Variants in RGS7BP observed in about 807,000 individuals in gnomAD.
RGS7BP encodes the protein regulator of G protein signaling 7-binding protein.
RGS7BP carries 9 observed loss-of-function variants against 31.3 expected under a neutral mutation model. The ratio of observed to expected loss-of-function variants is 0.29; its 90% CI spans 0.17 to 0.50. The LOEUF (loss-of-function observed/expected upper bound fraction) is 0.50, where lower values mean the gene tolerates loss of function less well. Ranked by LOEUF, RGS7BP falls within the 20% of genes least tolerant of loss-of-function variation. The probability of loss-of-function intolerance (pLI) is 0.98; values close to 1 mark genes in which losing one functional copy is unlikely to be tolerated. For synonymous variants in RGS7BP, 115 were observed against 120.1 expected (o/e 0.96, Z 0.28); for missense variants, 274 against 322.0 (o/e 0.85, Z 1.14).
chr5:64,517,328 T>A (rs1749003035), intron 2 of RGS7BP, among the ~76,000 whole-genome samples: 1 of 152,208 alleles, frequency 6.6e-6, no homozygotes, highest in Admixed American at 6.5e-5. Flanking sequence ...TACAGTCTTT[T>A]TTCATTGCCA....
chr5:64,525,746 C>A (rs1749216940), intron 2 of RGS7BP, among the ~76,000 whole-genome samples: 1 of 152,152 alleles, frequency 6.6e-6, no homozygotes, highest in African/African-American at 2.4e-5. Context: ...CCCACAGGTG[C>A]CCCTCTCCAG....
At chr5:64,516,970 A>G (rs199730979) in intron 2 of RGS7BP, among the ~76,000 whole-genome samples, 1 of 151,686 alleles carries the variant, frequency 6.6e-6, no homozygotes, top group East Asian at 1.9e-4. Context: ...TTAACAGAAA[A>G]TTCAAAGTAG....
intron 2 of RGS7BP, among the ~76,000 whole-genome samples, chr5:64,550,676 C>T (rs1176373418): frequency 6.6e-6 from 1 of 151,262 alleles, no homozygotes; most frequent in Non-Finnish European, 1.5e-5. Context: ...GTGTGCTGCA[C>T]CCATTAACTC....
chr5:64,522,520 C>T (rs1466552116), intron 2 of RGS7BP, among the ~76,000 whole-genome samples: 1 of 152,186 alleles, frequency 6.6e-6, no homozygotes, highest in Non-Finnish European at 1.5e-5. Flanking sequence ...CATTTTCTTA[C>T]TATCTGAAGT....
chr5:64,507,563 C>A, intron 1 of RGS7BP, 148 bp from the exon 2 acceptor site: 1 of 626,692 alleles, frequency 1.6e-6, no homozygotes, highest in Non-Finnish European at 2.6e-6. Context: ...TTGGTGCCTT[C>A]TGCTTTAAAC....
At chr5:64,594,986 T>C (rs1580465210) in intron 4 of RGS7BP, 129 bp downstream of exon 4, 2 of 989,204 alleles carry the variant, frequency 2.0e-6, no homozygotes, top group African/African-American at 1.6e-5. Context: ...CAGAGGAGCA[T>C]AGTGCTGTCA....
intron 2 of RGS7BP, among the ~76,000 whole-genome samples, chr5:64,543,541 T>TA (rs1741578556): frequency 7.5e-6 from 1 of 133,154 alleles, no homozygotes; most frequent in African/African-American, 3.0e-5. Context: ...AGAAAAAAGT[T>TA]TAAAAAAAAA....
At position 64,575,620 on chromosome 5, in the gene RGS7BP, T is replaced by C. The variant is rs979579100; in HGVS notation, c.333-154T>C. ...AGAGACTTACATAAGAACTGTCACA[T>C]TGGTCATTGGTTTGAAAGCAGGAAG... On this transcript the variant is annotated intron_variant, in intron 2 of 5. Coordinates refer to ENST00000334025, the MANE Select transcript of RGS7BP (RefSeq NM_001029875.3). 18 of 1,312,814 alleles carry C rather than the reference T, an allele frequency of 1.4e-5. No homozygotes were observed. The East Asian group carries it at 3.6e-4, about 26-fold the overall frequency. The allele number at this position is 1,312,814 out of a possible 1,614,324, so 81.3% of individuals were successfully genotyped here. A position where few individuals can be genotyped will look rare whatever the true frequency, so the allele number is the denominator to read the frequency against.
At chr5:64,553,997 G>A (rs997089244) in intron 2 of RGS7BP, among the ~76,000 whole-genome samples, 5 of 152,108 alleles carry the variant, frequency 3.3e-5, no homozygotes. Context: ...TCATATGGGA[G>A]CAGGAATTAG....
intron 5 of RGS7BP, among the ~76,000 whole-genome samples, chr5:64,600,754 T>C (rs1743196703): frequency 6.6e-6 from 1 of 152,146 alleles, no homozygotes; most frequent in South Asian, 2.1e-4. Flanking sequence ...AGGGGAGAAA[T>C]GGGAACCCTT....
chr5:64,513,697 C>A (rs1005796294), intron 2 of RGS7BP, among the ~76,000 whole-genome samples: 15 of 152,214 alleles, frequency 9.9e-5, no homozygotes, highest in African/African-American at 3.6e-4. Flanking sequence ...TGGGCAGTGA[C>A]AGCCTCTGCC....
intron 2 of RGS7BP, among the ~76,000 whole-genome samples, chr5:64,539,973 C>T (rs964124411): frequency 6.6e-6 from 1 of 151,892 alleles, no homozygotes; most frequent in East Asian, 1.9e-4. Context: ...CTGATTTGCA[C>T]AATTTTTTTA....
rs551008151 is a variant in RGS7BP at position 64,529,574 on chromosome 5, A to G, written c.332+21697A>G. Among the ~76,000 whole-genome samples the G allele has an allele frequency of 1.1e-4, 17 of 152,332 alleles. No homozygotes were observed. In the South Asian group the frequency reaches 1.2e-3, roughly 11 times the overall value. On this transcript the variant is annotated intron_variant, in intron 2 of 5. Transcript: ENST00000334025. ...GCCTGGGGAGCCTAAAAAAATGCCA[A>G]TGTCTGGGTCCTACCCTCAGAGATT... is the stretch of plus-strand genomic sequence containing the variant.
chr5:64,599,420 G>A (rs530363334), intron 5 of RGS7BP, among the ~76,000 whole-genome samples: 1 of 152,290 alleles, frequency 6.6e-6, no homozygotes, highest in South Asian at 2.1e-4. Context: ...GGAGGATTTG[G>A]CAGTGGAGCT....
chr5:64,542,976 T>C (rs1365014344), intron 2 of RGS7BP, among the ~76,000 whole-genome samples: 1 of 152,234 alleles, frequency 6.6e-6, no homozygotes, highest in African/African-American at 2.4e-5. Flanking sequence ...GACTCATTAA[T>C]GTCATATTTA....
chr5:64,606,051 G>GAC lies in RGS7BP; in HGVS notation c.683-3109_683-3108insCA, dbSNP rs1279444182. Among the ~76,000 whole-genome samples, 124 of 149,076 alleles carry GAC rather than the reference G, an allele frequency of 8.3e-4. 1 individual carries two copies. The highest frequency in any genetic ancestry group is 2.9e-3 in the African/African-American group (117 of 40,694). The stretch of plus-strand genomic sequence containing the variant: ...ATATATATATATATAGAGAGAGAGA[G>GAC]AGAGAGAGAAGGCTGAGCGAGAAGA... On this transcript the variant is annotated intron_variant, in intron 5 of 5. Coordinates refer to ENST00000334025, the MANE Select transcript of RGS7BP (RefSeq NM_001029875.3).
rs765976230 is a variant in RGS7BP at position 64,506,682 on chromosome 5, A to T, written c.58A>T (p.Ile20Phe). ...CCCCAGCCGGTCCACCCGCTCCTCG[A>T]TCTTCCAGATCAGCAAGCCCCCGCT... is the stretch of plus-strand genomic sequence containing the variant. The part of the protein sequence containing the change: ...KRPSRSTRSS[I>F]FQISKPPLQS... Residue 20 changes from isoleucine (I) to phenylalanine (F), a missense_variant, in exon 1 of 6, where the codon ATC (isoleucine) becomes TTC (phenylalanine). Coordinates refer to ENST00000334025, the MANE Select transcript of RGS7BP (RefSeq NM_001029875.3). The surrounding 1 kb of genome is among the most constrained non-coding windows in gnomAD (Gnocchi z 4.6). The T allele has an allele frequency of 6.2e-7, 1 of 1,613,188 alleles. No homozygotes were observed. Among genetic ancestry groups the T allele is most frequent in the Non-Finnish European group, 8.5e-7 (1 of 1,179,342 alleles).
chr5:64,595,046 A>T (rs1743028442), intron 4 of RGS7BP, among the ~76,000 whole-genome samples, 189 bp downstream of exon 4: 1 of 152,148 alleles, frequency 6.6e-6, no homozygotes, highest in Admixed American at 6.5e-5. Context: ...GAGACAAGAG[A>T]GGGTAAGCAG....
chr5:64,556,114 T>G (rs1031252702), intron 2 of RGS7BP, among the ~76,000 whole-genome samples: 19 of 152,102 alleles, frequency 1.2e-4, no homozygotes, highest in Non-Finnish European at 2.5e-4. Context: ...CAATTTACTC[T>G]TCCATCAATC....
Sources: allele counts gnomAD v4.1 joint callset (sites outside exome capture counted in the v4.1 genomes callset), GRCh38; gene constraint gnomAD v4.1.1; non-coding constraint Gnocchi (gnomAD v3.1); transcripts MANE v1.5; gene names NCBI Gene and HGNC (gene_info 2026-07-23, HGNC 2026-07-21).